Variants in ZDHHC7 observed in about 807,000 individuals in gnomAD.
The protein encoded by ZDHHC7 is palmitoyltransferase ZDHHC7.
Under a neutral mutation model 34.1 loss-of-function variants are expected in ZDHHC7, and 12 were observed. The observed-to-expected ratio is 0.35, with a 90% CI of 0.23 to 0.57. The LOEUF is 0.57. Among genes scored for constraint, ZDHHC7 ranks in the 20% least tolerant of loss-of-function variants. The pLI is 0.84. For synonymous variants in ZDHHC7, 185 were observed against 155.4 expected (o/e 1.19, Z -1.42); for missense variants, 388 against 402.7 (o/e 0.96, Z 0.31).
chr16:84,983,379 G>A (rs149330047), intron 3 of ZDHHC7, among the ~76,000 whole-genome samples: 1 of 152,190 alleles, frequency 6.6e-6, no homozygotes, highest in African/African-American at 2.4e-5. Flanking sequence ...CCTCTGCAGG[G>A]TGAGGGTTGA....
At chr16:85,023,417 G>A in the ZDHHC7 span, among the ~76,000 whole-genome samples, 2 of 151,882 alleles carry the variant, frequency 1.3e-5, no homozygotes, top group African/African-American at 2.4e-5. Flanking sequence ...CACCCGCCTC[G>A]GCCTCCCAAA....
At chr16:84,987,572 T>A (rs1266896317) in intron 3 of ZDHHC7, among the ~76,000 whole-genome samples, 1 of 151,932 alleles carries the variant, frequency 6.6e-6, no homozygotes, top group Non-Finnish European at 1.5e-5. Flanking sequence ...AGAGTCACCA[T>A]ATGTCCCAGC....
Position 84,976,394 on chromosome 16 carries a change from A to G in ZDHHC7, c.876T>C (p.Phe292=). ...TTCTGGGTCTCGTGGGCAGTCGCCTAAATCGGAAGCCCACAAAGGGATTCA... is the reference window on the plus strand; with the variant it reads ...TTCTGGGTCTCGTGGGCAGTCGCCTGAATCGGAAGCCCACAAAGGGATTCA... The part of the protein sequence containing the change: ...LWMNPFVGFR[F]RRLPTRPRKG... The change falls in exon 8 of 8, where the codon TTT becomes TTC. Residue 292 remains phenylalanine, a synonymous_variant. Transcript: ENST00000313732. 1 of 1,614,036 alleles carries G rather than the reference A, an allele frequency of 6.2e-7. No homozygotes were observed. The highest frequency in any genetic ancestry group is 1.1e-5 in the South Asian group (1 of 91,066).
intron 1 of ZDHHC7, among the ~76,000 whole-genome samples, chr16:85,005,174 A>G (rs762932586): frequency 6.6e-6 from 1 of 152,210 alleles, no homozygotes; most frequent in Non-Finnish European, 1.5e-5. Flanking sequence ...AACCTCATTA[A>G]GCATCCTGTC....
the ZDHHC7 span, among the ~76,000 whole-genome samples, chr16:85,025,942 A>G: frequency 1.3e-5 from 2 of 152,146 alleles, no homozygotes; most frequent in African/African-American, 4.8e-5. Context: ...TGCCCTGAAG[A>G]TTTTCCAGGC....
intron 1 of ZDHHC7, among the ~76,000 whole-genome samples, chr16:84,997,998 G>T (rs1393981292): frequency 6.7e-6 from 1 of 150,266 alleles, no homozygotes; most frequent in African/African-American, 2.4e-5. Context: ...TAGAAGATCG[G>T]GTCTGTAATC....
intron 1 of ZDHHC7, among the ~76,000 whole-genome samples, chr16:85,003,786 G>A (rs1045447606): frequency 2.0e-5 from 3 of 152,126 alleles, no homozygotes; most frequent in Non-Finnish European, 4.4e-5. Flanking sequence ...ATGGCAAAGT[G>A]GGGGAACACA....
chr16:85,016,621 ATT>A, the ZDHHC7 span, among the ~76,000 whole-genome samples: 8 of 141,738 alleles, frequency 5.6e-5, no homozygotes, highest in Non-Finnish European at 6.2e-5. Flanking sequence ...CACCTGGTTA[ATT>A]TTTTTTTTTT....
intron 1 of ZDHHC7, among the ~76,000 whole-genome samples, chr16:85,004,717 A>G (rs1178005525): frequency 6.6e-6 from 1 of 152,166 alleles, no homozygotes; most frequent in Non-Finnish European, 1.5e-5. Context: ...TCTTGAGTGA[A>G]TAAGTAAGGG....
intron 2 of ZDHHC7, among the ~76,000 whole-genome samples, chr16:84,994,867 A>C (rs1181887119): frequency 6.6e-6 from 1 of 152,254 alleles, no homozygotes; most frequent in African/African-American, 2.4e-5. Flanking sequence ...TAGCAAAGTT[A>C]GGCTGGACAA....
chr16:85,009,168 A>G (rs1244873496), intron 1 of ZDHHC7, among the ~76,000 whole-genome samples: 1 of 152,034 alleles, frequency 6.6e-6, no homozygotes. Flanking sequence ...TTCATCCCAA[A>G]CATTAACTTT....
chr16:84,984,873 G>T (rs908372101), intron 3 of ZDHHC7, among the ~76,000 whole-genome samples: 1 of 152,060 alleles, frequency 6.6e-6, no homozygotes, highest in Non-Finnish European at 1.5e-5. Context: ...ATGCAGAGGG[G>T]GTGTGCACGG....
intron 1 of ZDHHC7, among the ~76,000 whole-genome samples, chr16:85,002,261 G>T (rs1160331266): frequency 1.3e-5 from 2 of 151,982 alleles, no homozygotes; most frequent in African/African-American, 4.8e-5. Flanking sequence ...CACCCCTCAA[G>T]TATGGCCGTT....
At chr16:85,007,044 G>T (rs1315756199) in intron 1 of ZDHHC7, among the ~76,000 whole-genome samples, 2 of 152,028 alleles carry the variant, frequency 1.3e-5, no homozygotes, top group African/African-American at 4.8e-5. Flanking sequence ...GTAAGATGCT[G>T]AACCAAAATA....
In ZDHHC7 at chr16:84,977,170, A is replaced by G. The variant is rs367855463; in HGVS notation, c.675T>C (p.Leu225=). Residue 225 remains leucine (L), a synonymous_variant, in exon 7 of 8, where the codon CTT becomes CTC. Transcript: ENST00000313732. ...TGAAAGTGAAAAACAGAAGACCCTC[A>G]AGGCACAGGAAGATCAACAGGATTA... The part of the protein sequence containing the change: ...ITVILLIFLC[L]EGLLFFTFTA... 6.2e-7 allele frequency: 1 copy of G among 1,614,124 alleles called. No individual in the cohort carries two copies. Among genetic ancestry groups the G allele is most frequent in the Non-Finnish European group, 8.5e-7 (1 of 1,180,044 alleles).
chr16:84,999,479 G>C (rs2072625954), intron 1 of ZDHHC7, among the ~76,000 whole-genome samples: 1 of 152,088 alleles, frequency 6.6e-6, no homozygotes, highest in Non-Finnish European at 1.5e-5. Flanking sequence ...CCCGTCAACA[G>C]GAAATAGATA....
chr16:85,013,044 A>C (rs2072814743), upstream of ZDHHC7, among the ~76,000 whole-genome samples: 1 of 152,190 alleles, frequency 6.6e-6, no homozygotes, highest in Non-Finnish European at 1.5e-5. Flanking sequence ...TTCTGCCTAA[A>C]GGGCAGGTGT....
At position 84,993,225 on chromosome 16, in the gene ZDHHC7, G is replaced by C. The variant is rs141480251; in HGVS notation, c.-17-2590C>G. ...AGTCCCCCCTACTAGGGAGGCTGAG[G>C]GGGGAAGATTGCTTGAGCCTGGGAG... On this transcript the variant is annotated intron_variant, in intron 2 of 7. Coordinates refer to ENST00000313732, the MANE Select transcript of ZDHHC7 (RefSeq NM_017740.3). Among the ~76,000 whole-genome samples, 467 of 152,190 alleles carry C rather than the reference G, an allele frequency of 3.1e-3. 1 individual carries two copies. The highest frequency in any genetic ancestry group is 0.01 in the African/African-American group (432 of 41,516).
intron 4 of ZDHHC7, among the ~76,000 whole-genome samples, chr16:84,979,494 A>G (rs2072338812): frequency 6.6e-6 from 1 of 152,190 alleles, no homozygotes; most frequent in Non-Finnish European, 1.5e-5. Flanking sequence ...CAATGGACCA[A>G]CAGCTTGGGG....
Sources: gnomAD v4.1 joint callset for allele counts (sites outside exome capture counted in the v4.1 genomes callset) on GRCh38, gnomAD v4.1.1 for gene constraint, MANE v1.5 for transcripts, NCBI Gene and HGNC (gene_info 2026-07-23, HGNC 2026-07-21) for gene names.